The following MACROD2 variants were observed in gnomAD, a reference collection of about 807,000 sequenced individuals.
MACROD2 encodes mono-ADP ribosylhydrolase 2.
MACROD2 carries 36 observed loss-of-function variants against 70.4 expected under a neutral mutation model. The ratio of observed to expected loss-of-function variants is 0.51; its 90% CI spans 0.39 to 0.68. The LOEUF is 0.68. Ranked by LOEUF, MACROD2 falls within the 30% of genes least tolerant of loss-of-function variation. MACROD2 has a pLI of 0.00. For missense variants in MACROD2, 496 were observed against 538.4 expected (o/e 0.92, Z 0.78); for synonymous variants, 172 against 178.8 (o/e 0.96, Z 0.30).
intron 3 of MACROD2, among the ~76,000 whole-genome samples, chr20:14,197,294 G>A (rs961076230): frequency 3.3e-5 from 5 of 152,210 alleles, no homozygotes; most frequent in African/African-American, 1.2e-4. Context: ...GAAAAAAGTT[G>A]ACTTGGGAGC....
In MACROD2 at chr20:15,084,955, C is replaced by T. The variant is rs6043087; in HGVS notation, c.419-144985C>T. On this transcript the variant is annotated intron_variant, in intron 5 of 17. Transcript: ENST00000684519. ...TGGAAACTCAGGGGACCTAGAATAG[C>T]TTAAAACAATCTTGAGAAAGAAGAA... Among the ~76,000 whole-genome samples, 1,149 of 152,206 alleles carry T rather than the reference C, an allele frequency of 7.5e-3. 19 individuals are homozygous for T. Among genetic ancestry groups the T allele is most frequent in the African/African-American group, 0.026 (1,094 of 41,520 alleles).
At chr20:15,695,411 CT>C (rs375119900) in intron 8 of MACROD2, among the ~76,000 whole-genome samples, 249 of 115,156 alleles carry the variant, frequency 2.2e-3, no homozygotes, top group Middle Eastern at 5.3e-3. Flanking sequence ...TCTTCTTCTT[CT>C]TTTTTTTTTT....
rs553002059 is a variant in MACROD2 at position 14,763,296 on chromosome 20, G to T, written c.418+78337G>T. ...CAAAAAAACTTGTCGCTCATTTGGT[G>T]TTACTAGACCTTCAGAGTCACGGGG... On this transcript the variant is annotated intron_variant, in intron 5 of 17. Coordinates refer to ENST00000684519, the MANE Select transcript of MACROD2 (RefSeq NM_001351661.2). Among the ~76,000 whole-genome samples, 7 of 152,024 alleles carry T rather than the reference G, an allele frequency of 4.6e-5. No individual in the cohort carries two copies. In the South Asian group the frequency reaches 1.2e-3, roughly 27 times the overall value.
chr20:14,697,601 A>G (rs925898842), intron 5 of MACROD2, among the ~76,000 whole-genome samples: 1 of 152,170 alleles, frequency 6.6e-6, no homozygotes, highest in African/African-American at 2.4e-5. Context: ...ACTTATTTTG[A>G]GATTAACTGT....
intron 6 of MACROD2, among the ~76,000 whole-genome samples, chr20:15,339,169 T>C (rs983002789): frequency 1.3e-5 from 2 of 151,864 alleles, no homozygotes; most frequent in Non-Finnish European, 2.9e-5. Flanking sequence ...AATAGATAGG[T>C]AGATAGACAG....
intron 4 of MACROD2, among the ~76,000 whole-genome samples, chr20:14,628,287 C>T (rs1036857324): frequency 3.4e-4 from 51 of 152,018 alleles, no homozygotes; most frequent in African/African-American, 1.1e-3. Context: ...TTACTGTAGT[C>T]TAGTGGATGT....
chr20:14,243,836 G>A (rs1601393273), intron 3 of MACROD2, among the ~76,000 whole-genome samples: 1 of 152,244 alleles, frequency 6.6e-6, no homozygotes, highest in African/African-American at 2.4e-5. Flanking sequence ...AAATTAGCAA[G>A]CATTTATAAG....
chr20:14,832,049 T>G (rs867136220), intron 5 of MACROD2, among the ~76,000 whole-genome samples: 1 of 127,618 alleles, frequency 7.8e-6, no homozygotes, highest in Non-Finnish European at 1.7e-5. Flanking sequence ...TTTTTTTTTT[T>G]TTTTTTTTTT....
intron 3 of MACROD2, among the ~76,000 whole-genome samples, chr20:14,476,845 A>T (rs2084600992): frequency 6.6e-6 from 1 of 152,222 alleles, no homozygotes; most frequent in Non-Finnish European, 1.5e-5. Flanking sequence ...TCTATTAAGA[A>T]ATGTTTCTTT....
chr20:15,885,258 G>A (rs1051719918), intron 9 of MACROD2, among the ~76,000 whole-genome samples: 1 of 152,124 alleles, frequency 6.6e-6, no homozygotes, highest in Non-Finnish European at 1.5e-5. Flanking sequence ...TGGGACACTT[G>A]AAAGCACATG....
At chr20:15,279,083 T>G (rs1014409614) in intron 6 of MACROD2, among the ~76,000 whole-genome samples, 6 of 152,158 alleles carry the variant, frequency 3.9e-5, no homozygotes, top group Non-Finnish European at 8.8e-5. Context: ...GTTTTTTGCT[T>G]AAAACCCACA....
chr20:14,206,807 T>A (rs1018116953), intron 3 of MACROD2, among the ~76,000 whole-genome samples: 1 of 152,102 alleles, frequency 6.6e-6, no homozygotes, highest in African/African-American at 2.4e-5. Flanking sequence ...ATTTCTAAGT[T>A]CCAAAATTCC....
chr20:15,387,738 ATT>A (rs11304564), intron 6 of MACROD2, among the ~76,000 whole-genome samples: 6,891 of 130,120 alleles, frequency 0.053, 399 homozygotes, highest in African/African-American at 0.16. Flanking sequence ...AAACTCAGGG[ATT>A]TTTTTTTTTT....
At chr20:15,233,961 ATTTAT>A (rs2076981912) in intron 6 of MACROD2, among the ~76,000 whole-genome samples, 1 of 72,552 alleles carries the variant, frequency 1.4e-5, no homozygotes, top group African/African-American at 6.4e-5. Context: ...GATCCAAAAA[ATTTAT>A]TTTTATATAT....
At chr20:14,140,557 G>C (rs572995819) in intron 3 of MACROD2, among the ~76,000 whole-genome samples, 3 of 152,322 alleles carry the variant, frequency 2.0e-5, no homozygotes, top group Admixed American at 2.0e-4. Context: ...GATGAACCCT[G>C]TATTTTTAAT....
At chr20:16,041,791 C>T (rs2067311686) in intron 16 of MACROD2, among the ~76,000 whole-genome samples, 1 of 151,984 alleles carries the variant, frequency 6.6e-6, no homozygotes, top group Non-Finnish European at 1.5e-5. Flanking sequence ...TTTCAAACAA[C>T]CTTTAAAAAC....
chr20:14,261,558 T>A (rs1161378036), intron 3 of MACROD2, among the ~76,000 whole-genome samples: 5 of 152,158 alleles, frequency 3.3e-5, no homozygotes, highest in Non-Finnish European at 7.3e-5. Context: ...TGTGCGGGTG[T>A]GTGTAATCTG....
rs921907203 is a variant in MACROD2, at chr20:14,234,272, C to T, written c.271+148544C>T. Among the ~76,000 whole-genome samples, 3 of 152,198 alleles carry T rather than the reference C, an allele frequency of 2.0e-5. No homozygotes were observed. The East Asian group carries it at 5.8e-4, about 29-fold the overall frequency. On this transcript the variant is annotated intron_variant, in intron 3 of 17. Transcript: ENST00000684519. Reference sequence around the variant, plus strand: ...CATCAATTTAAAAAAAGTTAAAAAACCATGTATTCTATTGATTGTTCATAT... The same window carrying T: ...CATCAATTTAAAAAAAGTTAAAAAATCATGTATTCTATTGATTGTTCATAT...
At chr20:14,316,682 CT>C (rs1449602932) in intron 3 of MACROD2, among the ~76,000 whole-genome samples, 1 of 152,194 alleles carries the variant, frequency 6.6e-6, no homozygotes, top group African/African-American at 2.4e-5. Flanking sequence ...TTGAACACCC[CT>C]GATGAAGAAG....
Sources: gnomAD v4.1 joint callset for allele counts (sites outside exome capture counted in the v4.1 genomes callset) on GRCh38, gnomAD v4.1.1 for gene constraint, MANE v1.5 for transcripts, NCBI Gene and HGNC (gene_info 2026-07-23, HGNC 2026-07-21) for gene names.